MLLT3: variants seen among roughly 807,000 people sequenced by gnomAD.
MLLT3 encodes MLLT3 super elongation complex subunit.
Under a neutral mutation model 53.2 loss-of-function variants are expected in MLLT3, and 4 were observed. The ratio of observed to expected loss-of-function variants is 0.08; its 90% CI spans 0.04 to 0.17. The LOEUF (loss-of-function observed/expected upper bound fraction) is 0.17. Among genes scored for constraint, MLLT3 ranks in the 10% least tolerant of loss-of-function variants. The probability of loss-of-function intolerance (pLI) is 1.00; values close to 1 mark genes in which losing one functional copy is unlikely to be tolerated. For missense variants in MLLT3, 569 were observed against 684.0 expected, an observed-to-expected ratio of 0.83 and a Z score of 1.87; for synonymous variants, 283 against 230.6, an observed-to-expected ratio of 1.23 and a Z score of -2.06.
chr9:20,502,797 C>T (rs1414128812), intron 2 of MLLT3, among the ~76,000 whole-genome samples: 2 of 152,124 alleles, frequency 1.3e-5, no homozygotes, highest in African/African-American at 2.4e-5. Context: ...ACAAACAACC[C>T]TAACATCTCC....
At chr9:20,505,708 A>G (rs1028186779) in intron 2 of MLLT3, among the ~76,000 whole-genome samples, 6 of 152,192 alleles carry the variant, frequency 3.9e-5, no homozygotes, top group East Asian at 1.9e-4. Flanking sequence ...GTCCTGTTAC[A>G]AAGAAGTGGG....
intron 2 of MLLT3, among the ~76,000 whole-genome samples, chr9:20,501,607 C>A (rs182915132): frequency 6.6e-6 from 1 of 151,784 alleles, no homozygotes; most frequent in Non-Finnish European, 1.5e-5. Context: ...AAAAATTAGC[C>A]GGGCGCGGTG....
chr9:20,558,788 G>C (rs907845999), intron 2 of MLLT3, among the ~76,000 whole-genome samples: 3 of 152,134 alleles, frequency 2.0e-5, no homozygotes, highest in African/African-American at 7.2e-5. Context: ...TACTTACTTT[G>C]CCCACTATGA....
chr9:20,361,847 G>A (rs1821331477), intron 7 of MLLT3, among the ~76,000 whole-genome samples: 1 of 152,066 alleles, frequency 6.6e-6, no homozygotes, highest in South Asian at 2.1e-4. Context: ...AACAGAAACT[G>A]TTTTAGAAAT....
chr9:20,494,801 C>T (rs1048306444), intron 2 of MLLT3, among the ~76,000 whole-genome samples: 6 of 152,050 alleles, frequency 3.9e-5, no homozygotes, highest in South Asian at 2.1e-4. Context: ...TGAATACCCA[C>T]GAGCAATTCA....
intron 4 of MLLT3, among the ~76,000 whole-genome samples, chr9:20,414,641 G>A (rs1160849353): frequency 6.6e-6 from 1 of 152,096 alleles, no homozygotes; most frequent in Non-Finnish European, 1.5e-5. Context: ...AATTTAATGA[G>A]GAAAGCTGTT....
chr9:20,347,573 T>C (rs1820908214), intron 10 of MLLT3, among the ~76,000 whole-genome samples: 1 of 152,222 alleles, frequency 6.6e-6, no homozygotes, highest in Non-Finnish European at 1.5e-5. Context: ...GTTTGAGAGA[T>C]TCTTTTACCA....
At chr9:20,480,256 C>T (rs1361332991) in intron 2 of MLLT3, among the ~76,000 whole-genome samples, 1 of 152,180 alleles carries the variant, frequency 6.6e-6, no homozygotes, top group East Asian at 1.9e-4. Context: ...AAACTACAAA[C>T]TTGTTGGGGC....
chr9:20,538,704 C>T (rs898496394), intron 2 of MLLT3, among the ~76,000 whole-genome samples: 25 of 152,130 alleles, frequency 1.6e-4, no homozygotes, highest in Admixed American at 1.4e-3. Context: ...CATTACAAAT[C>T]GAGTTTTTAA....
intron 4 of MLLT3, among the ~76,000 whole-genome samples, chr9:20,424,175 G>C (rs968212591): frequency 2.6e-5 from 4 of 152,138 alleles, no homozygotes; most frequent in African/African-American, 9.7e-5. Flanking sequence ...AATCCCCTAT[G>C]AATACTGAGA....
At chr9:20,477,109 C>T (rs1210661165) in intron 2 of MLLT3, among the ~76,000 whole-genome samples, 2 of 151,792 alleles carry the variant, frequency 1.3e-5, no homozygotes, top group Admixed American at 1.3e-4. Context: ...GGATGAATGT[C>T]GGAGGGATTC....
At chr9:20,479,721 G>T (rs947160116) in intron 2 of MLLT3, among the ~76,000 whole-genome samples, 1 of 152,082 alleles carries the variant, frequency 6.6e-6, no homozygotes, top group Non-Finnish European at 1.5e-5. Context: ...AATAATACTT[G>T]TTTTTAAGTA....
At chr9:20,568,667 G>C (rs758812772) in intron 2 of MLLT3, among the ~76,000 whole-genome samples, 2 of 152,066 alleles carry the variant, frequency 1.3e-5, no homozygotes, top group African/African-American at 4.8e-5. Flanking sequence ...AAAAGAATCT[G>C]ACAAAAATAT....
chr9:20,367,833 T>C (rs1333053613), intron 5 of MLLT3, among the ~76,000 whole-genome samples: 2 of 152,244 alleles, frequency 1.3e-5, no homozygotes, highest in African/African-American at 2.4e-5. Flanking sequence ...AGTCAGTTTA[T>C]ATTTGTTTCT....
chr9:20,394,581 A>G (rs1822270790), intron 5 of MLLT3, among the ~76,000 whole-genome samples: 1 of 152,114 alleles, frequency 6.6e-6, no homozygotes, highest in South Asian at 2.1e-4. Flanking sequence ...TGGGTGTACA[A>G]CTTTACTATC....
rs894454556 is a variant in MLLT3 at position 20,621,876 on chromosome 9, CTGAGT to C, written c.12+364_12+368del. On this transcript the variant is annotated intron_variant, in intron 1 of 10. Coordinates refer to ENST00000380338, the MANE Select transcript of MLLT3 (RefSeq NM_004529.4). This position sits in a 1 kb window ranked among gnomAD's most constrained non-coding sequence, Gnocchi z 7.0. The stretch of plus-strand genomic sequence containing the variant: ...CCCGGCGGCGGCGGCTGAAATATGG[CTGAGT>C]TATTATTCGCCTCCTTCCACCGTGT... 4.7e-5 allele frequency: 65 copies of C among 1,372,364 alleles called. 1 individual carries two copies. Among genetic ancestry groups the C allele is most frequent in the Non-Finnish European group, 5.5e-5 (59 of 1,071,408 alleles). The allele number at this position is 1,372,364 out of a possible 1,614,324, so 85.0% of individuals were successfully genotyped here.
chr9:20,347,619 T>C (rs909216541), intron 10 of MLLT3, among the ~76,000 whole-genome samples: 1 of 152,174 alleles, frequency 6.6e-6, no homozygotes, highest in Non-Finnish European at 1.5e-5. Flanking sequence ...CTACTAATAA[T>C]TTTATTGGAC....
intron 2 of MLLT3, among the ~76,000 whole-genome samples, chr9:20,530,930 G>A (rs1190394037): frequency 6.6e-6 from 1 of 150,664 alleles, no homozygotes; most frequent in East Asian, 2.0e-4. Flanking sequence ...CGTGCCTGGC[G>A]CTGCTTGTAC....
rs991871271 is a variant in MLLT3, at chr9:20,344,489, C to T, written c.*1954G>A. On this transcript the variant is annotated 3_prime_UTR_variant, in exon 11 of 11. Transcript: ENST00000380338. ...CTGAAACCACACAATTCATCAATCACCTAATGTCCAAAATGACTCAAAGTT... is the reference window on the plus strand; with the variant it reads ...CTGAAACCACACAATTCATCAATCATCTAATGTCCAAAATGACTCAAAGTT... 4.5e-6 allele frequency: 1 copy of T among 219,814 alleles called. No homozygotes were observed. The highest frequency in any genetic ancestry group is 1.8e-4 in the South Asian group (1 of 5,434). 13.6% of individuals were successfully genotyped at this position (219,814 alleles called of 1,614,324 possible).
Sources: allele counts gnomAD v4.1 joint callset (sites outside exome capture counted in the v4.1 genomes callset), GRCh38; gene constraint gnomAD v4.1.1; non-coding constraint Gnocchi (gnomAD v3.1); transcripts MANE v1.5; gene names NCBI Gene and HGNC (gene_info 2026-07-23, HGNC 2026-07-21).